The following MYO1D variants were observed in gnomAD, a reference collection of about 807,000 sequenced individuals.
The protein encoded by MYO1D is unconventional myosin-Id.
MYO1D carries 83 observed loss-of-function variants against 122.0 expected under a neutral mutation model. The ratio of observed to expected loss-of-function variants is 0.68; its 90% CI spans 0.57 to 0.82. The LOEUF is 0.82. Among genes scored for constraint, MYO1D ranks in the 40% least tolerant of loss-of-function variants. MYO1D has a pLI of 0.00. For synonymous variants in MYO1D, 464 were observed against 446.9 expected (o/e 1.04, Z -0.48); for missense variants, 1,157 against 1,269.5 (o/e 0.91, Z 1.35).
intron 21 of MYO1D, among the ~76,000 whole-genome samples, chr17:32,561,073 G>A (rs56281546): frequency 0.16 from 24,148 of 151,386 alleles, 2,398 homozygotes; most frequent in East Asian, 0.24. Flanking sequence ...CACCACGCCC[G>A]GCTAATTTTT....
chr17:32,836,994 A>G (rs965311921), intron 1 of MYO1D, among the ~76,000 whole-genome samples: 9 of 152,110 alleles, frequency 5.9e-5, no homozygotes, highest in Admixed American at 5.9e-4. Context: ...AGTAATTTAC[A>G]TGTTTCCCAG....
chr17:32,841,843 A>G (rs2090885967), intron 1 of MYO1D, among the ~76,000 whole-genome samples: 1 of 152,170 alleles, frequency 6.6e-6, no homozygotes, highest in African/African-American at 2.4e-5. Context: ...GTGGGAGTTC[A>G]GGTCTGCAGG....
intron 21 of MYO1D, among the ~76,000 whole-genome samples, chr17:32,553,386 A>T (rs2087039245): frequency 6.6e-6 from 1 of 152,156 alleles, no homozygotes; most frequent in Non-Finnish European, 1.5e-5. Context: ...TGGTTCCTGA[A>T]AGAGGAGTGG....
intron 21 of MYO1D, among the ~76,000 whole-genome samples, chr17:32,508,883 CAG>C (rs1470159834): frequency 1.3e-5 from 2 of 152,206 alleles, no homozygotes; most frequent in Non-Finnish European, 2.9e-5. Flanking sequence ...TGCTTCTGAG[CAG>C]AGTGATGAGC....
At chr17:32,718,616 G>A (rs578233154) in intron 15 of MYO1D, among the ~76,000 whole-genome samples, 4 of 151,986 alleles carry the variant, frequency 2.6e-5, no homozygotes, top group East Asian at 1.9e-4. Flanking sequence ...TGGGAGAATC[G>A]CTTGAACCCG....
chr17:32,874,350 T>C (rs970079023), intron 1 of MYO1D, among the ~76,000 whole-genome samples: 2 of 68,676 alleles, frequency 2.9e-5, no homozygotes, highest in Non-Finnish European at 5.4e-5. Context: ...TCTTTCTTCT[T>C]TTTCTTCTAA....
chr17:32,631,694 T>G (rs1260257455), intron 20 of MYO1D, among the ~76,000 whole-genome samples: 1 of 152,036 alleles, frequency 6.6e-6, no homozygotes, highest in Non-Finnish European at 1.5e-5. Context: ...TTTAAATATG[T>G]ACTGAATATT....
intron 16 of MYO1D, among the ~76,000 whole-genome samples, chr17:32,676,679 C>T (rs569919208): frequency 6.6e-6 from 1 of 152,154 alleles, no homozygotes; most frequent in African/African-American, 2.4e-5. Context: ...AGAAGGAAGA[C>T]GACCCAAGAG....
intron 16 of MYO1D, among the ~76,000 whole-genome samples, chr17:32,682,749 G>A (rs1294601883): frequency 8.4e-6 from 1 of 119,686 alleles, no homozygotes; most frequent in Non-Finnish European, 1.7e-5. Context: ...TTCTCGAGGA[G>A]TATCTTTGCG....
intron 16 of MYO1D, among the ~76,000 whole-genome samples, chr17:32,696,799 A>G (rs920363741): frequency 9.9e-5 from 15 of 152,212 alleles, no homozygotes; most frequent in Admixed American, 7.9e-4. Flanking sequence ...ACAGAAAACA[A>G]TATTTGTTTG....
chr17:32,494,989 G>A lies in MYO1D; in HGVS notation c.2865-74C>T, dbSNP rs879214397. The A allele has an allele frequency of 3.4e-5, 49 of 1,454,144 alleles. No homozygotes were observed. The South Asian group carries it at 5.8e-4, about 17-fold the overall frequency. 90.1% of individuals were successfully genotyped at this position (1,454,144 alleles called of 1,614,324 possible). On this transcript the variant is annotated intron_variant, in intron 21 of 21. Coordinates refer to ENST00000318217, the MANE Select transcript of MYO1D (RefSeq NM_015194.3). ...ACAGGGCACCTGCCCGGCAGCTCCCGGCCACCATTGGCTCCGGCGCAGCCT... is the reference window on the plus strand; with the variant it reads ...ACAGGGCACCTGCCCGGCAGCTCCCAGCCACCATTGGCTCCGGCGCAGCCT...
chr17:32,557,318 C>T lies in MYO1D; in HGVS notation c.2864+47769G>A, dbSNP rs952827744. Among the ~76,000 whole-genome samples, 9 of 151,752 alleles carry T rather than the reference C, an allele frequency of 5.9e-5. 1 individual carries two copies. Among genetic ancestry groups the T allele is most frequent in the Admixed American group, 2.0e-4 (3 of 15,180 alleles). On this transcript the variant is annotated intron_variant, in intron 21 of 21. Transcript: ENST00000318217. ...TATTTTTAGTAGAGATGGGGTTTCA[C>T]CATGTTGGCCTCGAACTCCTGACTT... is the stretch of plus-strand genomic sequence containing the variant.
intron 1 of MYO1D, among the ~76,000 whole-genome samples, chr17:32,801,316 C>T (rs192637044): frequency 6.6e-6 from 1 of 152,226 alleles, no homozygotes; most frequent in East Asian, 1.9e-4. Flanking sequence ...GCTTATAATT[C>T]GTCTAAGTTT....
chr17:32,601,599 A>G (rs2087563231), intron 21 of MYO1D, among the ~76,000 whole-genome samples: 1 of 152,234 alleles, frequency 6.6e-6, no homozygotes, highest in South Asian at 2.1e-4. Flanking sequence ...AGCTCCTAAC[A>G]AAAGAGTCAG....
At chr17:32,509,439 C>A (rs1909607453) in intron 21 of MYO1D, among the ~76,000 whole-genome samples, 1 of 152,152 alleles carries the variant, frequency 6.6e-6, no homozygotes, top group Admixed American at 6.5e-5. Flanking sequence ...AGCACATATG[C>A]AAGGTTAGAG....
Position 32,494,786 on chromosome 17 carries a change from G to T in MYO1D, c.2994C>A (p.Gly998=). The part of the protein sequence containing the change: ...PQPDFTKNRS[G]FILSVPGN ...AGTTCCCGGGCACGCTGAGGATGAA[G>T]CCCGAGCGATTCTTGGTGAAGTCGG... Residue 998 remains glycine, a synonymous_variant, in exon 22 of 22, where the codon GGC becomes GGA. Coordinates refer to ENST00000318217, the MANE Select transcript of MYO1D (RefSeq NM_015194.3). 1 of 1,610,830 alleles carries T rather than the reference G, an allele frequency of 6.2e-7. No homozygotes were observed. Among genetic ancestry groups the T allele is most frequent in the South Asian group, 1.1e-5 (1 of 90,618 alleles).
At chr17:32,750,082 T>C (rs1338559235) in intron 11 of MYO1D, among the ~76,000 whole-genome samples, 1 of 152,234 alleles carries the variant, frequency 6.6e-6, no homozygotes, top group African/African-American at 2.4e-5. Flanking sequence ...ATCTGTCTGC[T>C]AAGCTGAGAC....
In MYO1D at chr17:32,540,764, AAAAAT is replaced by A. The variant is rs1432440402; in HGVS notation, c.2865-45854_2865-45850del. ...AACATGGTGAAACCCCGTCTCTACT[AAAAAT>A]ACAAAAATTAACTAGGCATGGTGGT... On this transcript the variant is annotated intron_variant, in intron 21 of 21. Transcript: ENST00000318217. 4.6e-5 allele frequency among the ~76,000 whole-genome samples: 7 copies of A among 151,986 alleles called. No homozygotes were observed. The East Asian group carries it at 7.7e-4, about 17-fold the overall frequency.
intron 21 of MYO1D, among the ~76,000 whole-genome samples, chr17:32,523,094 C>T (rs1243900734): frequency 3.9e-5 from 6 of 152,192 alleles, no homozygotes; most frequent in Non-Finnish European, 5.9e-5. Flanking sequence ...GGATTACAGG[C>T]GTGAGCAACC....
Sources: allele counts gnomAD v4.1 joint callset (sites outside exome capture counted in the v4.1 genomes callset), GRCh38; gene constraint gnomAD v4.1.1; transcripts MANE v1.5; gene names NCBI Gene and HGNC (gene_info 2026-07-23, HGNC 2026-07-21).